Variants in CALD1 observed in about 807,000 individuals in gnomAD.
CALD1 encodes caldesmon.
Under a neutral mutation model 99.9 loss-of-function variants are expected in CALD1, and 33 were observed. The observed-to-expected ratio is 0.33, with a 90% CI of 0.25 to 0.44. CALD1 has a LOEUF of 0.44. Among genes scored for constraint, CALD1 ranks in the 20% least tolerant of loss-of-function variants. The pLI is 1.00. For synonymous variants in CALD1, 310 were observed against 325.0 expected (o/e 0.95, Z 0.50); for missense variants, 861 against 962.1 (o/e 0.89, Z 1.39).
At chr7:134,720,588 T>C in the CALD1 span, among the ~76,000 whole-genome samples, 1 of 152,124 alleles carries the variant, frequency 6.6e-6, no homozygotes, top group South Asian at 2.1e-4. Flanking sequence ...CCCATCTCCA[T>C]GGCAACATAA....
At chr7:134,850,180 GA>G (rs1800019088) in intron 2 of CALD1, among the ~76,000 whole-genome samples, 1 of 152,160 alleles carries the variant, frequency 6.6e-6, no homozygotes, top group Non-Finnish European at 1.5e-5. Flanking sequence ...AATATGAACG[GA>G]ACCTAACATC....
At position 134,787,249 on chromosome 7, in the gene CALD1, T is replaced by C. The variant is rs570679726; in HGVS notation, c.-130+7500T>C. Among the ~76,000 whole-genome samples the C allele has an allele frequency of 6.6e-5, 10 of 152,294 alleles. No individual in the cohort carries two copies. In the East Asian group the frequency reaches 1.9e-3, roughly 29 times the overall value. ...ACCCTGTAAGGTCAAATTTTTCTGATGAGATTTCCAGTGTTTGCTTTTGTA... is the reference window on the plus strand; with the variant it reads ...ACCCTGTAAGGTCAAATTTTTCTGACGAGATTTCCAGTGTTTGCTTTTGTA... On this transcript the variant is annotated intron_variant, in intron 1 of 14. Coordinates refer to ENST00000361675, the MANE Select transcript of CALD1 (RefSeq NM_033138.4).
chr7:134,912,378 C>T (rs1179589798), intron 3 of CALD1, among the ~76,000 whole-genome samples: 1 of 152,088 alleles, frequency 6.6e-6, no homozygotes, highest in African/African-American at 2.4e-5. Context: ...TGAAATAGAC[C>T]TGTACTGAGA....
chr7:134,841,442 T>C (rs760176937), intron 1 of CALD1, among the ~76,000 whole-genome samples: 2 of 152,216 alleles, frequency 1.3e-5, no homozygotes, highest in East Asian at 1.9e-4. Context: ...CCAACTATGA[T>C]TGAAATAGGT....
At chr7:134,849,634 C>T (rs1371761998) in intron 2 of CALD1, among the ~76,000 whole-genome samples, 2 of 151,534 alleles carry the variant, frequency 1.3e-5, no homozygotes, top group African/African-American at 4.9e-5. Context: ...ATTTTTCTAT[C>T]CCTGGTTGAT....
At chr7:134,812,614 T>G (rs1798396269) in intron 1 of CALD1, among the ~76,000 whole-genome samples, 1 of 152,056 alleles carries the variant, frequency 6.6e-6, no homozygotes. Context: ...CTCAAGGTTT[T>G]TGGTCTAAAA....
intron 3 of CALD1, among the ~76,000 whole-genome samples, chr7:134,874,633 G>C (rs1801263221): frequency 6.6e-6 from 1 of 152,156 alleles, no homozygotes; most frequent in Non-Finnish European, 1.5e-5. Context: ...CCCAACATGA[G>C]TTCCTCTCAC....
intron 3 of CALD1, among the ~76,000 whole-genome samples, chr7:134,905,730 A>T (rs1803321135): frequency 1.3e-5 from 2 of 151,966 alleles, no homozygotes; most frequent in Non-Finnish European, 1.5e-5. Context: ...TCCCTTAAAT[A>T]TCTAGCCCAG....
chr7:134,891,685 T>C (rs1488793409), intron 3 of CALD1: 1 of 1,565,156 alleles, frequency 6.4e-7, no homozygotes, highest in Admixed American at 1.8e-5. Flanking sequence ...TGAGTCCTCA[T>C]TTCGTCTCTT....
intron 3 of CALD1, among the ~76,000 whole-genome samples, chr7:134,881,406 A>C (rs1308714327): frequency 6.6e-6 from 1 of 152,228 alleles, no homozygotes; most frequent in African/African-American, 2.4e-5. Context: ...TAAATCAAGG[A>C]TAAAAGAAAA....
intron 13 of CALD1, among the ~76,000 whole-genome samples, chr7:134,964,384 C>A (rs768066879): frequency 1.9e-4 from 29 of 152,182 alleles, no homozygotes; most frequent in Non-Finnish European, 3.4e-4. Flanking sequence ...GTTAAACTTT[C>A]ATCCCATGGA....
intron 1 of CALD1, among the ~76,000 whole-genome samples, chr7:134,770,925 G>A (rs559029790): frequency 6.6e-6 from 1 of 152,278 alleles, no homozygotes; most frequent in East Asian, 1.9e-4. Flanking sequence ...AGTGCTGCAA[G>A]GAATTCCATT....
At position 134,784,587 on chromosome 7, in the gene CALD1, G is replaced by T. The variant is rs570912168; in HGVS notation, c.-130+4838G>T. Among the ~76,000 whole-genome samples, 5 of 152,356 alleles carry T rather than the reference G, an allele frequency of 3.3e-5. No individual in the cohort carries two copies. The South Asian group carries it at 1.0e-3, about 32-fold the overall frequency. On this transcript the variant is annotated intron_variant, in intron 1 of 14. Transcript: ENST00000361675. ...AGTGAAGTAGTGTATGGATGAATAA[G>T]GTGAAGTCTGGGAGAGCACATGGCC...
At chr7:134,947,276 C>A (rs1167333538) in intron 7 of CALD1, among the ~76,000 whole-genome samples, 3 of 152,158 alleles carry the variant, frequency 2.0e-5, no homozygotes. Context: ...TCCCATTTTA[C>A]AGTGCATATT....
chr7:134,940,356 A>G (rs569414430), intron 6 of CALD1, among the ~76,000 whole-genome samples: 182 of 152,312 alleles, frequency 1.2e-3, no homozygotes, highest in African/African-American at 4.2e-3. Flanking sequence ...TCCATATATC[A>G]TCTTCCTATG....
At chr7:134,935,801 C>G in intron 6 of CALD1, 36 bp downstream of exon 6, 2 of 1,538,144 alleles carry the variant, frequency 1.3e-6, no homozygotes, top group South Asian at 2.5e-5. Flanking sequence ...CGTAAAGCAA[C>G]AGAAAAAGCA....
chr7:134,919,872 G>C (rs527610606), intron 3 of CALD1, among the ~76,000 whole-genome samples: 1 of 152,038 alleles, frequency 6.6e-6, no homozygotes, highest in Non-Finnish European at 1.5e-5. Flanking sequence ...ATTCACTACA[G>C]ACTACTTACT....
At chr7:134,967,872 A>G (rs1808790151) in intron 14 of CALD1, among the ~76,000 whole-genome samples, 1 of 152,204 alleles carries the variant, frequency 6.6e-6, no homozygotes, top group Admixed American at 6.5e-5. Context: ...AGCCAGGCGC[A>G]GTGGCTCACA....
At chr7:134,827,341 A>T (rs547062545) in intron 1 of CALD1, among the ~76,000 whole-genome samples, 1 of 152,230 alleles carries the variant, frequency 6.6e-6, no homozygotes, top group East Asian at 1.9e-4. Flanking sequence ...ATCCAGCACT[A>T]TTTTCCAGAA....
Sources: gnomAD v4.1 joint callset for allele counts (sites outside exome capture counted in the v4.1 genomes callset) on GRCh38, gnomAD v4.1.1 for gene constraint, MANE v1.5 for transcripts, NCBI Gene and HGNC (gene_info 2026-07-23, HGNC 2026-07-21) for gene names.